STK33: variants seen among roughly 807,000 people sequenced by gnomAD.
The protein encoded by STK33 is serine/threonine kinase 33, also known as serine/threonine-protein kinase 33.
Under a neutral mutation model 58.0 loss-of-function variants are expected in STK33, and 52 were observed. The observed-to-expected ratio is 0.90, with a 90% CI of 0.72 to 1.13. STK33 has a LOEUF of 1.13. Ranked by LOEUF, STK33 falls within the 50% of genes most tolerant of loss-of-function variation. The pLI, the probability that STK33 is intolerant of heterozygous loss-of-function variation, is 0.00. For synonymous variants in STK33, 215 were observed against 200.1 expected, an observed-to-expected ratio of 1.07 and a Z score of -0.63; for missense variants, 630 against 604.2, an observed-to-expected ratio of 1.04 and a Z score of -0.45.
At chr11:8,552,512 T>C (rs2140622922) in intron 1 of STK33, among the ~76,000 whole-genome samples, 1 of 152,294 alleles carries the variant, frequency 6.6e-6, no homozygotes, top group East Asian at 1.9e-4. Flanking sequence ...AGGTTCAGCT[T>C]TACAAAAATA....
At chr11:8,344,228 CA>C in the STK33 span, among the ~76,000 whole-genome samples, 1 of 151,840 alleles carries the variant, frequency 6.6e-6, no homozygotes, top group South Asian at 2.1e-4. Flanking sequence ...CACACACACA[CA>C]CCCCAGTTAG....
chr11:8,387,749 T>A (rs1848563797), downstream of STK33, among the ~76,000 whole-genome samples: 1 of 152,184 alleles, frequency 6.6e-6, no homozygotes, highest in Admixed American at 6.5e-5. Context: ...TGCAAGGGCA[T>A]CTTCCTCAGG....
chr11:8,390,101 C>T (rs953068590), downstream of STK33, among the ~76,000 whole-genome samples: 35 of 152,192 alleles, frequency 2.3e-4, no homozygotes, highest in African/African-American at 8.2e-4. Context: ...CCCCATTTTC[C>T]TTCCTTCTCT....
At chr11:8,563,206 C>T (rs1351311489) in intron 1 of STK33, among the ~76,000 whole-genome samples, 1 of 152,056 alleles carries the variant, frequency 6.6e-6, no homozygotes, top group African/African-American at 2.4e-5. Context: ...TCTTGGGATA[C>T]CCATAGGCCT....
At chr11:8,367,048 C>T in the STK33 span, among the ~76,000 whole-genome samples, 1 of 152,204 alleles carries the variant, frequency 6.6e-6, no homozygotes, top group Non-Finnish European at 1.5e-5. Flanking sequence ...CATAGGTGTG[C>T]ATTCTATGTC....
chr11:8,345,600 C>T, the STK33 span, among the ~76,000 whole-genome samples: 7,419 of 152,262 alleles, frequency 0.049, 258 homozygotes, highest in Non-Finnish European at 0.073. Flanking sequence ...TGGCTCCTCC[C>T]TGGGAGTGGT....
intron 14 of STK33, among the ~76,000 whole-genome samples, chr11:8,433,511 T>G (rs1220450924): frequency 1.3e-5 from 2 of 152,192 alleles, no homozygotes; most frequent in Non-Finnish European, 2.9e-5. Context: ...TCTTAAATCT[T>G]TCCAGTTTCA....
chr11:8,421,288 C>T (rs1941887866), intron 14 of STK33, among the ~76,000 whole-genome samples: 1 of 152,026 alleles, frequency 6.6e-6, no homozygotes, highest in Non-Finnish European at 1.5e-5. Flanking sequence ...ACTATAAGTC[C>T]CTGATTCCTT....
intron 15 of STK33, among the ~76,000 whole-genome samples, chr11:8,411,036 T>G (rs994451216): frequency 1.3e-5 from 2 of 152,202 alleles, no homozygotes; most frequent in Non-Finnish European, 2.9e-5. Context: ...GGACCTAATG[T>G]TAAAAGGCAC....
chr11:8,410,572 A>G (rs1940069963), intron 15 of STK33, among the ~76,000 whole-genome samples: 1 of 146,758 alleles, frequency 6.8e-6, no homozygotes, highest in African/African-American at 2.5e-5. Flanking sequence ...TCTTGGGTTC[A>G]AGCGATTCTC....
chr11:8,418,095 T>A (rs79542027), intron 14 of STK33, among the ~76,000 whole-genome samples: 6,854 of 151,916 alleles, frequency 0.045, 225 homozygotes, highest in South Asian at 0.061. Flanking sequence ...ATTTTTTTTT[T>A]AATTTTTAAC....
intron 1 of STK33, among the ~76,000 whole-genome samples, chr11:8,538,205 A>T (rs1416447843): frequency 6.6e-6 from 1 of 152,212 alleles, no homozygotes; most frequent in Non-Finnish European, 1.5e-5. Context: ...AAAGAGTAAC[A>T]ATAACAAAAG....
chr11:8,479,829 T>TA (rs1949646071), intron 2 of STK33, among the ~76,000 whole-genome samples: 1 of 151,640 alleles, frequency 6.6e-6, no homozygotes, highest in Non-Finnish European at 1.5e-5. Flanking sequence ...GGTGACAGAG[T>TA]AAGACTCTGT....
the STK33 span, among the ~76,000 whole-genome samples, chr11:8,361,725 G>A: frequency 3.1e-4 from 47 of 152,328 alleles, no homozygotes; most frequent in African/African-American, 1.0e-3. This position sits in a 1 kb window ranked among gnomAD's most constrained non-coding sequence, Gnocchi z 4.8. Context: ...TTATCTGTAC[G>A]TGGAGCTGGT....
At chr11:8,586,407 C>T (rs1269332942) in intron 1 of STK33, among the ~76,000 whole-genome samples, 1 of 152,100 alleles carries the variant, frequency 6.6e-6, no homozygotes, top group Admixed American at 6.5e-5. Context: ...TCTGCCTCAG[C>T]TTCCTCTTCC....
In STK33 at chr11:8,464,713, T is replaced by C. The variant is rs1947962739; in HGVS notation, c.449A>G (p.Glu150Gly). ...TKWAIKKVNK[E>G]KAGSSAVKLL... ...GATGCTGCTAATGAGCCTTACCTTT[T>C]CTTTGTTCACTTTTTTAATTGCCCA... The change falls in exon 7 of 16, where the codon GAA (glutamate) becomes GGA (glycine). Residue 150 changes from glutamate to glycine, a missense_variant. Physicochemically the swap from Glu to Gly is moderately conservative, Grantham distance 98. Coordinates refer to ENST00000687296, the MANE Select transcript of STK33 (RefSeq NM_001352389.2). The C allele has an allele frequency of 6.2e-7, 1 of 1,611,838 alleles. No homozygotes were observed. The highest frequency in any genetic ancestry group is 2.2e-5 in the East Asian group (1 of 44,868).
intron 1 of STK33, among the ~76,000 whole-genome samples, chr11:8,540,022 T>C (rs1293066439): frequency 2.0e-5 from 3 of 152,102 alleles, no homozygotes; most frequent in Non-Finnish European, 4.4e-5. Flanking sequence ...AAATTAAAAA[T>C]AGAACTATCA....
chr11:8,344,906 C>T, the STK33 span, among the ~76,000 whole-genome samples: 18 of 152,314 alleles, frequency 1.2e-4, 1 homozygote, highest in South Asian at 3.7e-3. Context: ...TGCCTCCCTC[C>T]CAGTCCCTGG....
chr11:8,364,098 G>A, the STK33 span, among the ~76,000 whole-genome samples: 4 of 152,082 alleles, frequency 2.6e-5, no homozygotes, highest in Admixed American at 2.0e-4. Context: ...TTTTGCGAGC[G>A]TCACTATCTC....
Sources: gnomAD v4.1 joint callset for allele counts (sites outside exome capture counted in the v4.1 genomes callset) on GRCh38, gnomAD v4.1.1 for gene constraint, Gnocchi (gnomAD v3.1) non-coding constraint, MANE v1.5 for transcripts, NCBI Gene and HGNC (gene_info 2026-07-23, HGNC 2026-07-21) for gene names.